SOX5: variants seen among roughly 807,000 people sequenced by gnomAD.
SOX5 encodes the protein SRY-box transcription factor 5, also known as transcription factor SOX-5.
A neutral mutation model predicts 92.0 loss-of-function variants in SOX5; 9 were observed. That is an observed-to-expected ratio of 0.10 (90% confidence interval 0.06 to 0.17). The LOEUF is 0.17. Among genes scored for constraint, SOX5 ranks in the 10% least tolerant of loss-of-function variants. SOX5 has a pLI of 1.00. For synonymous variants in SOX5, 344 were observed against 336.3 expected, an observed-to-expected ratio of 1.02 and a Z score of -0.25; for missense variants, 642 against 944.5, an observed-to-expected ratio of 0.68 and a Z score of 4.20.
At chr12:24,493,376 A>G (rs528322376) in intron 1 of SOX5, among the ~76,000 whole-genome samples, 33 of 152,338 alleles carry the variant, frequency 2.2e-4, no homozygotes, top group African/African-American at 1.2e-4. Flanking sequence ...CATAAAATAA[A>G]AAGAAGTAAA....
chr12:23,756,192 G>C (rs892035970), intron 3 of SOX5, among the ~76,000 whole-genome samples: 4 of 151,418 alleles, frequency 2.6e-5, no homozygotes, highest in South Asian at 2.1e-4. Context: ...AACATCGTGT[G>C]GCGGTAAGCA....
At chr12:24,013,040 A>C (rs997130757) in intron 4 of SOX5, among the ~76,000 whole-genome samples, 1 of 152,138 alleles carries the variant, frequency 6.6e-6, no homozygotes, top group Non-Finnish European at 1.5e-5. Flanking sequence ...AACATGAACA[A>C]AAAAAGTTTC....
At chr12:23,923,288 AAAAT>A (rs534815561) in intron 1 of SOX5, among the ~76,000 whole-genome samples, 2 of 97,848 alleles carry the variant, frequency 2.0e-5, no homozygotes, top group Admixed American at 2.5e-4. Context: ...AAACCACCCA[AAAAT>A]AAATGAATGA....
At chr12:24,301,231 A>G (rs1380673631) in intron 2 of SOX5, among the ~76,000 whole-genome samples, 1 of 152,192 alleles carries the variant, frequency 6.6e-6, no homozygotes, top group African/African-American at 2.4e-5. Context: ...CCAATTCAAG[A>G]GACAATCTCA....
intron 4 of SOX5, among the ~76,000 whole-genome samples, chr12:23,987,406 T>G (rs1027857667): frequency 1.3e-5 from 2 of 152,026 alleles, no homozygotes; most frequent in African/African-American, 4.8e-5. Context: ...AATGCAAACT[T>G]GATGTGTTGG....
intron 9 of SOX5, among the ~76,000 whole-genome samples, chr12:23,584,091 A>G (rs1433830416): frequency 6.6e-6 from 1 of 152,126 alleles, no homozygotes; most frequent in African/African-American, 2.4e-5. Flanking sequence ...CAGCATCTCT[A>G]CTGGAATCTA....
intron 4 of SOX5, among the ~76,000 whole-genome samples, chr12:24,043,824 T>A (rs1391943813): frequency 6.6e-6 from 1 of 152,208 alleles, no homozygotes; most frequent in African/African-American, 2.4e-5. Context: ...AAGAACAATA[T>A]ATAATTTTTA....
intron 2 of SOX5, among the ~76,000 whole-genome samples, chr12:23,882,912 T>C (rs909635481): frequency 6.6e-6 from 1 of 152,172 alleles, no homozygotes; most frequent in African/African-American, 2.4e-5. Flanking sequence ...GCGGGCGTGG[T>C]GGCTCACGTC....
chr12:23,815,934 GTTACA>G (rs1191581649), intron 3 of SOX5, among the ~76,000 whole-genome samples: 2 of 152,058 alleles, frequency 1.3e-5, no homozygotes, highest in African/African-American at 4.8e-5. Context: ...CCATTGTAGC[GTTACA>G]TTACATTAAT....
intron 3 of SOX5, among the ~76,000 whole-genome samples, chr12:23,805,496 A>T (rs564698242): frequency 6.6e-6 from 1 of 152,198 alleles, no homozygotes; most frequent in South Asian, 2.1e-4. Flanking sequence ...CACTAAGGTT[A>T]GTACAACCTT....
At chr12:23,695,934 C>T (rs1206857008) in intron 6 of SOX5, among the ~76,000 whole-genome samples, 2 of 72,216 alleles carry the variant, frequency 2.8e-5, no homozygotes, top group Non-Finnish European at 4.5e-5. Context: ...GAGCGAGACT[C>T]TGTCTCAAAA....
At chr12:24,395,418 A>T (rs912332659) in intron 1 of SOX5, among the ~76,000 whole-genome samples, 1 of 152,206 alleles carries the variant, frequency 6.6e-6, no homozygotes, top group Non-Finnish European at 1.5e-5. Flanking sequence ...GGCCAAAAAA[A>T]TATATTCTTT....
chr12:24,296,516 C>G (rs1241120231), intron 2 of SOX5, among the ~76,000 whole-genome samples: 1 of 152,172 alleles, frequency 6.6e-6, no homozygotes, highest in Non-Finnish European at 1.5e-5. Context: ...CTTGTTTCTC[C>G]CTTCTTGACA....
chr12:24,240,776 T>C (rs753101245), intron 3 of SOX5, among the ~76,000 whole-genome samples: 1 of 152,208 alleles, frequency 6.6e-6, no homozygotes, highest in Non-Finnish European at 1.5e-5. Context: ...CAAGTGGCTG[T>C]TACTATCAAA....
chr12:24,151,816 T>A (rs1179600742), intron 4 of SOX5, among the ~76,000 whole-genome samples: 1 of 141,858 alleles, frequency 7.0e-6, no homozygotes, highest in Non-Finnish European at 1.6e-5. Context: ...ATAGACAACG[T>A]CTCTCTCTCT....
At chr12:24,085,364 A>G (rs370317559) in intron 4 of SOX5, among the ~76,000 whole-genome samples, 1 of 151,996 alleles carries the variant, frequency 6.6e-6, no homozygotes, top group East Asian at 1.9e-4. Context: ...TGGCTCTATG[A>G]GTTGGATACA....
intron 4 of SOX5, among the ~76,000 whole-genome samples, chr12:24,157,620 T>C (rs1952326349): frequency 6.6e-6 from 1 of 152,112 alleles, no homozygotes; most frequent in Non-Finnish European, 1.5e-5. Context: ...CAATGTACTC[T>C]GAATTTCAAT....
intron 4 of SOX5, among the ~76,000 whole-genome samples, chr12:24,092,710 C>A: frequency 6.6e-6 from 1 of 152,216 alleles, no homozygotes; most frequent in South Asian, 2.1e-4. Context: ...TGTGTAAAAA[C>A]ATCTGTAATA....
At chr12:24,232,321 T>G (rs1363749410) in intron 3 of SOX5, among the ~76,000 whole-genome samples, 1 of 152,198 alleles carries the variant, frequency 6.6e-6, no homozygotes, top group Non-Finnish European at 1.5e-5. Flanking sequence ...CTCCAGAAAT[T>G]TCCTTACATT....
Sources: gnomAD v4.1 joint callset for allele counts (sites outside exome capture counted in the v4.1 genomes callset) on GRCh38, gnomAD v4.1.1 for gene constraint, MANE v1.5 for transcripts, NCBI Gene and HGNC (gene_info 2026-07-23, HGNC 2026-07-21) for gene names.